Variants in VPS26B observed in about 807,000 individuals in gnomAD.
The protein encoded by VPS26B is vacuolar protein sorting-associated protein 26B.
Under a neutral mutation model 33.3 loss-of-function variants are expected in VPS26B, and 10 were observed. The observed-to-expected ratio is 0.30, with a 90% CI of 0.19 to 0.51. The LOEUF is 0.51. Among genes scored for constraint, VPS26B ranks in the 20% least tolerant of loss-of-function variants. The pLI is 0.98. For missense variants in VPS26B, 317 were observed against 452.7 expected (o/e 0.70, Z 2.72); for synonymous variants, 190 against 176.9 (o/e 1.07, Z -0.59).
At chr11:134,239,280 T>G (rs558521449) in intron 2 of VPS26B, among the ~76,000 whole-genome samples, 6 of 152,170 alleles carry the variant, frequency 3.9e-5, no homozygotes, top group African/African-American at 1.4e-4. Context: ...CTTTTCTCCC[T>G]CCACACAGCA....
At chr11:134,237,837 T>C (rs1565357358) in intron 2 of VPS26B, among the ~76,000 whole-genome samples, 1 of 152,054 alleles carries the variant, frequency 6.6e-6, no homozygotes, top group African/African-American at 2.4e-5. Context: ...GGAGGAGTGG[T>C]TCGTGGAGAA....
chr11:134,240,061 A>G lies in VPS26B; in HGVS notation c.451A>G (p.Thr151Ala), dbSNP rs1591882378. ...CAAAGAGATGGACATTGTAGTTCACACACTCAGCACATACCCAGAGCTGAA... is the reference window on the plus strand; with the variant it reads ...CAAAGAGATGGACATTGTAGTTCACGCACTCAGCACATACCCAGAGCTGAA... Reference protein sequence around the residue: ...VVKEMDIVVHTLSTYPELNSS... With the variant: ...VVKEMDIVVHALSTYPELNSS... The change falls in exon 3 of 6, where the codon ACA becomes GCA. Residue 151 changes from threonine (T) to alanine (A), a missense_variant. By Grantham distance (58) the Thr-to-Ala change is moderately conservative. Coordinates refer to ENST00000281187, the MANE Select transcript of VPS26B (RefSeq NM_052875.5). The surrounding 1 kb of genome is among the most constrained non-coding windows in gnomAD (Gnocchi z 4.4). The G allele has an allele frequency of 6.2e-7, 1 of 1,614,232 alleles. No homozygotes were observed. Among genetic ancestry groups the G allele is most frequent in the African/African-American group, 1.3e-5 (1 of 75,064 alleles).
chr11:134,240,019 C>T lies in VPS26B; in HGVS notation c.409C>T (p.Arg137Cys), dbSNP rs1464288071. The change falls in exon 3 of 6, where the codon CGC becomes TGC. Residue 137 changes from arginine (R) to cysteine (C), a missense_variant. Transcript: ENST00000281187. This position sits in a 1 kb window ranked among gnomAD's most constrained non-coding sequence, Gnocchi z 4.4. Reference sequence around the variant, plus strand: ...TTTCCTTCGTGCTACCATCAGCCGCCGCCTCAATGATGTTGTCAAAGAGAT... The same window carrying T: ...TTTCCTTCGTGCTACCATCAGCCGCTGCCTCAATGATGTTGTCAAAGAGAT... ...RYFLRATISRRLNDVVKEMDI... is the reference protein window; with the variant it reads ...RYFLRATISRCLNDVVKEMDI... The T allele has an allele frequency of 1.9e-6, 3 of 1,614,022 alleles. No homozygotes were observed. Among genetic ancestry groups the T allele is most frequent in the Non-Finnish European group, 2.5e-6 (3 of 1,180,044 alleles).
chr11:134,234,351 C>A (rs1938600532), intron 1 of VPS26B, among the ~76,000 whole-genome samples: 2 of 152,176 alleles, frequency 1.3e-5, no homozygotes, highest in African/African-American at 4.8e-5. Flanking sequence ...CTGCATTATA[C>A]CAGCTGATAG....
chr11:134,246,314 G>C lies in VPS26B; in HGVS notation c.*724G>C, dbSNP rs1938819385. Reference sequence around the variant, plus strand: ...TGTTGAACCCAGGAGGCTGAACCCGGCCCACCACGGAAGATGAGTGCATGG... The same window carrying C: ...TGTTGAACCCAGGAGGCTGAACCCGCCCCACCACGGAAGATGAGTGCATGG... On this transcript the variant is annotated 3_prime_UTR_variant, in exon 6 of 6. Transcript: ENST00000281187. 1 of 152,392 alleles carries C rather than the reference G, an allele frequency of 6.6e-6. No individual in the cohort carries two copies. Among genetic ancestry groups the C allele is most frequent in the Non-Finnish European group, 1.5e-5 (1 of 68,268 alleles). The allele number at this position is 152,392 out of a possible 1,614,324, so 9.4% of individuals were successfully genotyped here.
At position 134,243,179 on chromosome 11, in the gene VPS26B, C is replaced by G. The variant is rs777959091; in HGVS notation, c.606C>G (p.Ile202Met). Residue 202 changes from isoleucine (I) to methionine (M), a missense_variant, in exon 4 of 6, where the codon ATC becomes ATG. Transcript: ENST00000281187. ...KIYFLLVRIKIKHMEIDIIKR... is the reference protein window; with the variant it reads ...KIYFLLVRIKMKHMEIDIIKR... ...ACTTCCTGCTGGTGAGAATCAAAAT[C>G]AAGCACATGGAGATAGACATCATCA... 1 of 1,614,182 alleles carries G rather than the reference C, an allele frequency of 6.2e-7. No homozygotes were observed. Among genetic ancestry groups the G allele is most frequent in the Non-Finnish European group, 8.5e-7 (1 of 1,180,030 alleles).
rs774375004 is a variant in VPS26B, at chr11:134,246,139, C to T, written c.*549C>T. 6.5e-6 allele frequency: 1 copy of T among 154,076 alleles called. No homozygotes were observed. Among genetic ancestry groups the T allele is most frequent in the Non-Finnish European group, 1.4e-5 (1 of 69,284 alleles). The allele number at this position is 154,076 out of a possible 1,614,324, so 9.5% of individuals were successfully genotyped here. ...GTGGTGATCTCAAGTTCCCACAGGC[C>T]ACCTCCTTCTGGCCACTCACTGCTG... On this transcript the variant is annotated 3_prime_UTR_variant, in exon 6 of 6. Coordinates refer to ENST00000281187, the MANE Select transcript of VPS26B (RefSeq NM_052875.5).
In VPS26B at chr11:134,240,006, T is replaced by A; in HGVS notation, c.396T>A (p.Ala132=). 6.2e-7 allele frequency: 1 copy of A among 1,614,200 alleles called. No homozygotes were observed. Among genetic ancestry groups the A allele is most frequent in the African/African-American group, 1.3e-5 (1 of 75,046 alleles). ...TCTCCTACAGCTATTTCCTTCGTGCTACCATCAGCCGCCGCCTCAATGATG... is the reference window on the plus strand; with the variant it reads ...TCTCCTACAGCTATTTCCTTCGTGCAACCATCAGCCGCCGCCTCAATGATG... ...QNVKLRYFLR[A]TISRRLNDVV... The change falls in exon 3 of 6, where the codon GCT becomes GCA. Residue 132 remains alanine (A), a synonymous_variant. Coordinates refer to ENST00000281187, the MANE Select transcript of VPS26B (RefSeq NM_052875.5). This position sits in a 1 kb window ranked among gnomAD's most constrained non-coding sequence, Gnocchi z 4.4.
At chr11:134,225,808 A>T (rs945983928) in intron 1 of VPS26B, among the ~76,000 whole-genome samples, 1 of 152,022 alleles carries the variant, frequency 6.6e-6, no homozygotes, top group Non-Finnish European at 1.5e-5. Context: ...ACCGAGCCCC[A>T]CTTCCCAGAG....
At chr11:134,236,542 A>G (rs1304745199) in intron 2 of VPS26B, 1 of 152,232 alleles carries the variant, frequency 6.6e-6, no homozygotes, top group Admixed American at 6.5e-5. Flanking sequence ...CGCAATAACC[A>G]AAAGGTAGAA....
intron 2 of VPS26B, among the ~76,000 whole-genome samples, chr11:134,236,121 GCA>G (rs1418115496): frequency 6.6e-6 from 1 of 151,754 alleles, no homozygotes; most frequent in Non-Finnish European, 1.5e-5. Flanking sequence ...ACCAGCCTGG[GCA>G]ACATATTGAG....
At chr11:134,230,495 C>G (rs1460365788) in intron 1 of VPS26B, among the ~76,000 whole-genome samples, 2 of 152,180 alleles carry the variant, frequency 1.3e-5, no homozygotes, top group Non-Finnish European at 2.9e-5. Context: ...CATTGATGAG[C>G]AACATGTGGT....
intron 1 of VPS26B, among the ~76,000 whole-genome samples, chr11:134,228,817 A>G (rs895072431): frequency 3.3e-5 from 5 of 152,112 alleles, no homozygotes; most frequent in African/African-American, 4.8e-5. Flanking sequence ...TTTCTCCTTC[A>G]TTGCATTCTT....
At chr11:134,232,397 G>T (rs1938569046) in intron 1 of VPS26B, among the ~76,000 whole-genome samples, 1 of 152,218 alleles carries the variant, frequency 6.6e-6, no homozygotes, top group African/African-American at 2.4e-5. Context: ...ATTGCAGATG[G>T]CTTATAAAGG....
intron 1 of VPS26B, among the ~76,000 whole-genome samples, chr11:134,231,110 G>A (rs1938549403): frequency 6.6e-6 from 1 of 152,320 alleles, no homozygotes; most frequent in Non-Finnish European, 1.5e-5. Flanking sequence ...AAGCAGACCT[G>A]GGCCGCCTTG....
intron 1 of VPS26B, 178 bp downstream of exon 1, chr11:134,225,523 C>T: frequency 1.5e-6 from 1 of 672,024 alleles, no homozygotes; most frequent in South Asian, 1.7e-5. Context: ...TACTGTCCTC[C>T]CTGCCAAAAG....
intron 2 of VPS26B, chr11:134,239,570 AGACG>A (rs1938686387): frequency 5.4e-6 from 1 of 186,548 alleles, no homozygotes; most frequent in African/African-American, 2.3e-5. Context: ...TAAAACTACG[AGACG>A]GACTCCTTTG....
In VPS26B at chr11:134,247,258, A is replaced by C. The variant is rs1206684716; in HGVS notation, c.*1668A>C. ...CACCCATGCGCTGCCCTTGATGATC[A>C]AGGTTGGGGCTTAAGTGGATAAGGG... On this transcript the variant is annotated 3_prime_UTR_variant, in exon 6 of 6. Transcript: ENST00000281187. The C allele has an allele frequency of 6.6e-6, 1 of 152,120 alleles. No individual in the cohort carries two copies. The highest frequency in any genetic ancestry group is 1.5e-5 in the Non-Finnish European group (1 of 68,026). The allele number at this position is 152,120 out of a possible 1,614,324, so 9.4% of individuals were successfully genotyped here.
At position 134,245,579 on chromosome 11, in the gene VPS26B, T is replaced by C. The variant is rs754369033; in HGVS notation, c.1000T>C (p.Cys334Arg). 2 of 1,610,452 alleles carry C rather than the reference T, an allele frequency of 1.2e-6. No individual in the cohort carries two copies. The highest frequency in any genetic ancestry group is 2.2e-5 in the East Asian group (1 of 44,770). The change falls in exon 6 of 6, where the codon TGC becomes CGC. Residue 334 changes from cysteine (C) to arginine (R), a missense_variant. Physicochemically the swap from Cys to Arg is radical, Grantham distance 180 (BLOSUM62 -3). Coordinates refer to ENST00000281187, the MANE Select transcript of VPS26B (RefSeq NM_052875.5). The surrounding 1 kb of genome is among the most constrained non-coding windows in gnomAD (Gnocchi z 4.7). ...CCCCAGCCAGCTGTCTGACAACAAC[T>C]GCAGGCAGTAGGCCCCCAGGGCCGA... ...RTPSQLSDNNCRQ is the reference protein window; with the variant it reads ...RTPSQLSDNNRRQ
Sources: gnomAD v4.1 joint callset for allele counts (sites outside exome capture counted in the v4.1 genomes callset) on GRCh38, gnomAD v4.1.1 for gene constraint, Gnocchi (gnomAD v3.1) non-coding constraint, MANE v1.5 for transcripts, NCBI Gene and HGNC (gene_info 2026-07-23, HGNC 2026-07-21) for gene names.